Variants in ZFP90 observed in about 807,000 individuals in gnomAD.
ZFP90 encodes ZFP90 zinc finger protein.
ZFP90 carries 38 observed loss-of-function variants against 60.8 expected under a neutral mutation model. The ratio of observed to expected loss-of-function variants is 0.62; its 90% CI spans 0.48 to 0.82. The LOEUF (loss-of-function observed/expected upper bound fraction) is 0.82, where lower values mean the gene tolerates loss of function less well. Among genes scored for constraint, ZFP90 ranks in the 40% least tolerant of loss-of-function variants. The pLI is 0.00. For missense variants in ZFP90, 711 were observed against 759.1 expected, an observed-to-expected ratio of 0.94 and a Z score of 0.74; for synonymous variants, 287 against 264.8, an observed-to-expected ratio of 1.08 and a Z score of -0.82.
intron 2 of ZFP90, among the ~76,000 whole-genome samples, chr16:68,575,530 GTA>G (rs2091589356): frequency 2.1e-5 from 1 of 48,116 alleles, no homozygotes; most frequent in Admixed American, 2.7e-4. Context: ...TGGTTTGTGA[GTA>G]TGCAAAAAAA....
At chr16:68,547,702 T>G (rs963143781) in intron 2 of ZFP90, among the ~76,000 whole-genome samples, 1 of 152,208 alleles carries the variant, frequency 6.6e-6, no homozygotes, top group African/African-American at 2.4e-5. Context: ...TTTGTATGAA[T>G]GTACCAAAAT....
At chr16:68,543,566 CTT>C (rs56788189) in intron 2 of ZFP90, among the ~76,000 whole-genome samples, 150 of 133,334 alleles carry the variant, frequency 1.1e-3, no homozygotes, top group Middle Eastern at 7.3e-3. Context: ...GCCTTTTTTT[CTT>C]TTTTTTTTTT....
Position 68,566,491 on chromosome 16 carries a change from C to A in ZFP90, c.*1793C>A, listed in dbSNP as rs977209273. 8.1e-6 allele frequency: 8 copies of A among 985,418 alleles called. No individual in the cohort carries two copies. Among genetic ancestry groups the A allele is most frequent in the Non-Finnish European group, 8.4e-6 (7 of 829,940 alleles). 61.0% of individuals were successfully genotyped at this position (985,418 alleles called of 1,614,324 possible). On this transcript the variant is annotated 3_prime_UTR_variant, in exon 5 of 5. Transcript: ENST00000563169. ...TGGCATGCAGCAGCACCCAAGTATT[C>A]TTCATTCTTTGCAGGGAAAAAATTG...
chr16:68,545,704 A>G (rs1393594215), intron 2 of ZFP90, among the ~76,000 whole-genome samples: 2 of 152,082 alleles, frequency 1.3e-5, no homozygotes, highest in Non-Finnish European at 2.9e-5. Context: ...AGTCCCAGCT[A>G]CTCGGGAGGC....
At chr16:68,569,406 A>T (rs1179725173), downstream of ZFP90, among the ~76,000 whole-genome samples, 1 of 152,182 alleles carries the variant, frequency 6.6e-6, no homozygotes, top group African/African-American at 2.4e-5. Flanking sequence ...AAGTGCTGGG[A>T]TTACAGGCGT....
chr16:68,546,731 C>CG (rs546022626), intron 2 of ZFP90, among the ~76,000 whole-genome samples: 20 of 152,154 alleles, frequency 1.3e-4, no homozygotes, highest in Non-Finnish European at 2.8e-4. Flanking sequence ...AGGCTGGTCT[C>CG]GAACTCCAGA....
rs917964096 is a variant in ZFP90, at chr16:68,565,107, C to A, written c.*409C>A. The stretch of plus-strand genomic sequence containing the variant: ...CAACTGCACTCAACTGCAGCTCTTA[C>A]ATTAACTTCACCATGGAAACCAGTT... On this transcript the variant is annotated 3_prime_UTR_variant, in exon 5 of 5. Coordinates refer to ENST00000563169, the MANE Select transcript of ZFP90 (RefSeq NM_001305203.2). 1 of 994,878 alleles carries A rather than the reference C, an allele frequency of 1.0e-6. No homozygotes were observed. The highest frequency in any genetic ancestry group is 1.2e-6 in the Non-Finnish European group (1 of 836,078). The allele number at this position is 994,878 out of a possible 1,614,324, so 61.6% of individuals were successfully genotyped here.
At chr16:68,534,232 TC>T (rs201631897) in intron 2 of ZFP90, among the ~76,000 whole-genome samples, 1,491 of 148,496 alleles carry the variant, frequency 0.01, 41 homozygotes, top group African/African-American at 0.034. Context: ...TTTCTTTCTT[TC>T]TTTTTTTTTT....
downstream of ZFP90, among the ~76,000 whole-genome samples, chr16:68,571,102 G>A (rs1410470605): frequency 6.6e-6 from 1 of 152,184 alleles, no homozygotes; most frequent in Admixed American, 6.5e-5. Context: ...CTTGTATCTT[G>A]GGGGAAAGTA....
chr16:68,558,432 T>A (rs2091382309), intron 3 of ZFP90, 41 bp from the exon 4 acceptor site: 2 of 1,578,510 alleles, frequency 1.3e-6, no homozygotes, highest in Non-Finnish European at 1.7e-6. Flanking sequence ...CTTTGTCCAC[T>A]TGCACAAACA....
At chr16:68,534,799 T>G (rs2090949082), upstream of ZFP90, among the ~76,000 whole-genome samples, 1 of 151,526 alleles carries the variant, frequency 6.6e-6, no homozygotes, top group Non-Finnish European at 1.5e-5. Flanking sequence ...CCCAGCTACT[T>G]GAGAGGCTGA....
chr16:68,535,827 T>C (rs983523968), upstream of ZFP90, among the ~76,000 whole-genome samples: 3 of 152,164 alleles, frequency 2.0e-5, no homozygotes, highest in Non-Finnish European at 4.4e-5. Context: ...CATCAATACA[T>C]TTTAAAAGAT....
chr16:68,571,114 A>G (rs1392089580), downstream of ZFP90, among the ~76,000 whole-genome samples: 6 of 152,338 alleles, frequency 3.9e-5, no homozygotes, highest in Non-Finnish European at 8.8e-5. Flanking sequence ...GGGAAAGTAT[A>G]CATGCTGTTG....
At position 68,566,936 on chromosome 16, in the gene ZFP90, A is replaced by T. The variant is rs1441056133; in HGVS notation, c.*2238A>T. On this transcript the variant is annotated 3_prime_UTR_variant, in exon 5 of 5. Coordinates refer to ENST00000563169, the MANE Select transcript of ZFP90 (RefSeq NM_001305203.2). ...TTTGGTGCTTGGCCTAGATCCAGCCACCACTCTGAAACTCAGCACATCTTC... is the reference window on the plus strand; with the variant it reads ...TTTGGTGCTTGGCCTAGATCCAGCCTCCACTCTGAAACTCAGCACATCTTC... The T allele has an allele frequency of 1.0e-6, 1 of 985,506 alleles. No individual in the cohort carries two copies. The allele number at this position is 985,506 out of a possible 1,614,324, so 61.0% of individuals were successfully genotyped here. A position where few individuals can be genotyped will look rare whatever the true frequency, so the allele number is the denominator to read the frequency against.
chr16:68,552,914 T>C (rs2091284518), intron 2 of ZFP90, among the ~76,000 whole-genome samples: 2 of 152,006 alleles, frequency 1.3e-5, no homozygotes, highest in Admixed American at 1.3e-4. Context: ...AAAATAGGTA[T>C]GGTGGCACAC....
intron 2 of ZFP90, among the ~76,000 whole-genome samples, chr16:68,545,199 T>C (rs979412233): frequency 6.6e-6 from 1 of 151,860 alleles, no homozygotes; most frequent in African/African-American, 2.4e-5. Context: ...TATTATAATA[T>C]TCTTACATGG....
intron 2 of ZFP90, among the ~76,000 whole-genome samples, chr16:68,555,732 C>T (rs1426774941): frequency 6.6e-6 from 1 of 152,092 alleles, no homozygotes; most frequent in Non-Finnish European, 1.5e-5. Context: ...GTTGACTCTC[C>T]AGTGGGGGAT....
At chr16:68,555,123 C>G (rs1352439533) in intron 2 of ZFP90, 1 of 152,254 alleles carries the variant, frequency 6.6e-6, no homozygotes. Flanking sequence ...GAAGTGTTCT[C>G]TCCCTCTCCC....
At chr16:68,552,074 TA>T (rs34473050) in intron 2 of ZFP90, among the ~76,000 whole-genome samples, 1 of 151,852 alleles carries the variant, frequency 6.6e-6, no homozygotes, top group African/African-American at 2.4e-5. Context: ...TGTTAGTTTT[TA>T]AAAGGGGTTG....
Sources: allele counts gnomAD v4.1 joint callset (sites outside exome capture counted in the v4.1 genomes callset), GRCh38; gene constraint gnomAD v4.1.1; transcripts MANE v1.5; gene names NCBI Gene and HGNC (gene_info 2026-07-23, HGNC 2026-07-21).